The following SLC23A2 variants were observed in gnomAD, a reference collection of about 807,000 sequenced individuals.
SLC23A2 encodes solute carrier family 23 member 2, also known as Na(+)/L-ascorbic acid transporter 2.
In SLC23A2, 36 loss-of-function variants were observed where a neutral mutation model predicts 73.3. That is an observed-to-expected ratio of 0.49 (90% confidence interval 0.38 to 0.65). The LOEUF is 0.65. Among genes scored for constraint, SLC23A2 ranks in the 30% least tolerant of loss-of-function variants. The probability of loss-of-function intolerance (pLI) is 0.00; values close to 1 mark genes in which losing one functional copy is unlikely to be tolerated. For synonymous variants in SLC23A2, 343 were observed against 327.3 expected (o/e 1.05, Z -0.52); for missense variants, 507 against 841.6 (o/e 0.60, Z 4.92).
intron 3 of SLC23A2, among the ~76,000 whole-genome samples, chr20:4,921,601 C>T (rs1187116807): frequency 1.5e-5 from 2 of 133,584 alleles, no homozygotes; most frequent in Non-Finnish European, 3.2e-5. Flanking sequence ...ACAATCACAA[C>T]CAAAAAAAAA....
intron 1 of SLC23A2, among the ~76,000 whole-genome samples, chr20:4,974,791 T>G (rs1357705686): frequency 6.6e-6 from 1 of 152,186 alleles, no homozygotes; most frequent in Non-Finnish European, 1.5e-5. Flanking sequence ...TTTCAGTGTT[T>G]TTGTTTTTGT....
chr20:4,975,024 T>C (rs1443240543), intron 1 of SLC23A2, among the ~76,000 whole-genome samples: 2 of 152,190 alleles, frequency 1.3e-5, no homozygotes, highest in African/African-American at 4.8e-5. Context: ...TGACCTCAAG[T>C]GATCCACCCG....
chr20:4,968,876 G>A (rs2087516724), intron 2 of SLC23A2, among the ~76,000 whole-genome samples: 1 of 151,702 alleles, frequency 6.6e-6, no homozygotes, highest in Non-Finnish European at 1.5e-5. Context: ...GCGCCACCAT[G>A]CCTGGCTAAT....
chr20:4,986,270 T>C (rs2087824828), intron 1 of SLC23A2, among the ~76,000 whole-genome samples: 1 of 152,048 alleles, frequency 6.6e-6, no homozygotes, highest in African/African-American at 2.4e-5. Context: ...CAGACTAGCC[T>C]GGGCAACATA....
intron 4 of SLC23A2, among the ~76,000 whole-genome samples, chr20:4,911,485 G>GC (rs1325530061): frequency 1.3e-5 from 2 of 152,040 alleles, no homozygotes; most frequent in African/African-American, 4.8e-5. Context: ...AACTCACCAT[G>GC]CTAATACCCA....
chr20:4,916,830 A>T (rs1458624115), intron 3 of SLC23A2, among the ~76,000 whole-genome samples: 7 of 152,186 alleles, frequency 4.6e-5, no homozygotes, highest in Admixed American at 4.6e-4. Flanking sequence ...TCACCATAAA[A>T]TAGGCTTTGT....
In SLC23A2 at chr20:4,854,090, G is replaced by A. The variant is rs1173282467; in HGVS notation, c.*2882C>T. 6.6e-6 allele frequency: 1 copy of A among 152,170 alleles called. No individual in the cohort carries two copies. Among genetic ancestry groups the A allele is most frequent in the African/African-American group, 2.4e-5 (1 of 41,426 alleles). The allele number at this position is 152,170 out of a possible 1,614,324, so 9.4% of individuals were successfully genotyped here. On this transcript the variant is annotated 3_prime_UTR_variant, in exon 17 of 17. Transcript: ENST00000338244. ...GGTGACCTGGGAAGGTGGTGGGTAG[G>A]TGGTCTCTGTGGAAACTGGAGACTA...
intron 1 of SLC23A2, among the ~76,000 whole-genome samples, chr20:4,999,983 C>T (rs905481028): frequency 6.6e-6 from 1 of 152,166 alleles, no homozygotes; most frequent in African/African-American, 2.4e-5. Flanking sequence ...ATGGAACAGG[C>T]TGGACACACC....
intron 1 of SLC23A2, among the ~76,000 whole-genome samples, chr20:4,996,894 T>C (rs879435020): frequency 6.6e-6 from 1 of 152,002 alleles, no homozygotes; most frequent in Non-Finnish European, 1.5e-5. Context: ...AAGATTTATA[T>C]TTCCATTGAG....
intron 4 of SLC23A2, among the ~76,000 whole-genome samples, chr20:4,903,105 T>C (rs1224089624): frequency 6.6e-6 from 1 of 152,184 alleles, no homozygotes; most frequent in Non-Finnish European, 1.5e-5. Flanking sequence ...CTAAAGTATA[T>C]AAACACGGTG....
chr20:4,944,962 G>T (rs1249888434), intron 2 of SLC23A2, among the ~76,000 whole-genome samples: 1 of 150,988 alleles, frequency 6.6e-6, no homozygotes, highest in East Asian at 1.9e-4. Context: ...ACTTGTAGGT[G>T]TGGTGAGGGC....
chr20:4,854,699 G>A lies in SLC23A2; in HGVS notation c.*2273C>T. 6.6e-6 allele frequency: 1 copy of A among 152,290 alleles called. No individual in the cohort carries two copies. The highest frequency in any genetic ancestry group is 1.5e-5 in the Non-Finnish European group (1 of 68,028). 9.4% of individuals were successfully genotyped at this position (152,290 alleles called of 1,614,324 possible). On this transcript the variant is annotated 3_prime_UTR_variant, in exon 17 of 17. Transcript: ENST00000338244. ...GGTTGAATCCTCCTGATACAACCCG[G>A]CCCAAGGAGGGGCTTCAGAAGGGAG... is the stretch of plus-strand genomic sequence containing the variant.
chr20:4,852,954 A>C lies in SLC23A2; in HGVS notation c.*4018T>G, dbSNP rs1213294498. 1.3e-5 allele frequency: 2 copies of C among 152,628 alleles called. No homozygotes were observed. The highest frequency in any genetic ancestry group is 4.8e-5 in the African/African-American group (2 of 41,468). 9.5% of individuals were successfully genotyped at this position (152,628 alleles called of 1,614,324 possible). A position where few individuals can be genotyped will look rare whatever the true frequency, so the allele number is the denominator to read the frequency against. On this transcript the variant is annotated 3_prime_UTR_variant, in exon 17 of 17. Transcript: ENST00000338244. This position sits in a 1 kb window ranked among gnomAD's most constrained non-coding sequence, Gnocchi z 4.3. ...CTTATGGGTCCATGGGCAGACGCTGAACGCTGGCAAAACCGGGTGGCCGTT... is the reference window on the plus strand; with the variant it reads ...CTTATGGGTCCATGGGCAGACGCTGCACGCTGGCAAAACCGGGTGGCCGTT...
At chr20:4,961,853 T>C in intron 2 of SLC23A2, among the ~76,000 whole-genome samples, 1 of 152,200 alleles carries the variant, frequency 6.6e-6, no homozygotes. Flanking sequence ...AAAGCAGTTC[T>C]CATATAACCC....
intron 2 of SLC23A2, among the ~76,000 whole-genome samples, chr20:4,939,211 CT>C (rs1212531484): frequency 6.6e-6 from 1 of 152,248 alleles, no homozygotes; most frequent in Non-Finnish European, 1.5e-5. Context: ...ACCTCCACCC[CT>C]GGTGCTGAAC....
rs56708379 is a variant in SLC23A2 at position 4,905,113 on chromosome 20, CA to C, written c.208-2556del. ...TGGGCAACAGAGAGAGATTCTGTCA[CA>C]AAAAAAAAAAAAAAAAAAAAAGCAA... On this transcript the variant is annotated intron_variant, in intron 4 of 16. Transcript: ENST00000338244. 4.0e-3 allele frequency among the ~76,000 whole-genome samples: 391 copies of C among 96,718 alleles called. 4 individuals are homozygous for C. Among genetic ancestry groups the C allele is most frequent in the Admixed American group, 6.0e-3 (50 of 8,300 alleles). 63.5% of individuals were successfully genotyped at this position (96,718 alleles called of 152,430 possible).
rs1210202556 is a variant in SLC23A2 at position 4,863,939 on chromosome 20, C to T, written c.1357-1032G>A. On this transcript the variant is annotated intron_variant, in intron 13 of 16. Coordinates refer to ENST00000338244, the MANE Select transcript of SLC23A2 (RefSeq NM_005116.6). This position sits in a 1 kb window ranked among gnomAD's most constrained non-coding sequence, Gnocchi z 4.8. ...TGCCTCCCAGCAGCTTCTGTCTAGCCTGCTGTCACCAGTCATGGGTTGGGA... is the reference window on the plus strand; with the variant it reads ...TGCCTCCCAGCAGCTTCTGTCTAGCTTGCTGTCACCAGTCATGGGTTGGGA... Among the ~76,000 whole-genome samples the T allele has an allele frequency of 2.0e-5, 3 of 152,184 alleles. No individual in the cohort carries two copies. Among genetic ancestry groups the T allele is most frequent in the East Asian group, 1.9e-4 (1 of 5,184 alleles).
intron 3 of SLC23A2, among the ~76,000 whole-genome samples, chr20:4,914,049 A>G (rs1440083712): frequency 6.6e-6 from 1 of 152,084 alleles, no homozygotes; most frequent in East Asian, 1.9e-4. Context: ...TATGGTTAAC[A>G]GTGCAACTAC....
chr20:4,894,242 T>C (rs938505529), intron 6 of SLC23A2, among the ~76,000 whole-genome samples: 5 of 151,076 alleles, frequency 3.3e-5, no homozygotes, highest in African/African-American at 1.2e-4. Flanking sequence ...GAGGAAAAGG[T>C]AGGGAGGAAG....
Sources: allele counts gnomAD v4.1 joint callset (sites outside exome capture counted in the v4.1 genomes callset), GRCh38; gene constraint gnomAD v4.1.1; non-coding constraint Gnocchi (gnomAD v3.1); transcripts MANE v1.5; gene names NCBI Gene and HGNC (gene_info 2026-07-23, HGNC 2026-07-21).